Variants in OR56A3 observed in about 807,000 individuals in gnomAD.
The protein encoded by OR56A3 is olfactory receptor family 56 subfamily A member 3.
OR56A3 carries 23 observed loss-of-function variants against 17.5 expected under a neutral mutation model. The observed-to-expected ratio is 1.32, with a 90% CI of 0.95 to 1.87. OR56A3 has a LOEUF of 1.87. Ranked by LOEUF, OR56A3 falls within the 40% of genes most tolerant of loss-of-function variation. The pLI is 0.00. For missense variants in OR56A3, 366 were observed against 380.1 expected (o/e 0.96, Z 0.31); for synonymous variants, 175 against 150.6 (o/e 1.16, Z -1.19).
chr11:6,015,290 A>G, the OR56A3 span, among the ~76,000 whole-genome samples: 1 of 152,234 alleles, frequency 6.6e-6, no homozygotes, highest in East Asian at 1.9e-4. Flanking sequence ...AGCCAGGCTC[A>G]GGGCTCTGCT....
At chr11:5,997,956 G>A in the OR56A3 span, among the ~76,000 whole-genome samples, 31,841 of 152,022 alleles carry the variant, frequency 0.21, 4,232 homozygotes, top group Admixed American at 0.32. Context: ...TCACTCACTG[G>A]ACAGGTATAA....
downstream of OR56A3, among the ~76,000 whole-genome samples, chr11:5,953,449 C>A (rs1275812195): frequency 1.3e-5 from 2 of 152,136 alleles, no homozygotes; most frequent in Non-Finnish European, 2.9e-5. Context: ...TGTATGTCTT[C>A]TTTTGAAAAG....
At chr11:6,009,710 G>T in the OR56A3 span, among the ~76,000 whole-genome samples, 1 of 152,064 alleles carries the variant, frequency 6.6e-6, no homozygotes, top group Non-Finnish European at 1.5e-5. Flanking sequence ...TGGGGTTTTG[G>T]ATGTTAGTAA....
the OR56A3 span, chr11:5,985,768 G>C: frequency 1.7e-6 from 1 of 598,170 alleles, no homozygotes. Context: ...AGATATCCAG[G>C]TACATCCCAA....
chr11:5,947,507 G>A lies in OR56A3; in HGVS notation c.161G>A (p.Trp54Ter). 1.2e-6 allele frequency: 2 copies of A among 1,613,918 alleles called. No homozygotes were observed. The highest frequency in any genetic ancestry group is 2.2e-5 in the South Asian group (2 of 91,068). ...GANTTLLMTIWLEASLHQPLY... is the reference protein window; with the variant it reads ...GANTTLLMTI ...AACACCACCCTCCTGATGACCATCT[G>A]GCTGGAGGCCTCTCTGCACCAGCCC... The change falls in exon 3 of 3, where the codon TGG becomes TAG. Residue 54 changes from tryptophan to a stop codon, truncating the protein, a stop_gained. Coordinates refer to ENST00000641160, the MANE Select transcript of OR56A3 (RefSeq NM_001003443.3). LOFTEE classifies it high-confidence loss of function.
At chr11:5,943,424 A>C (rs1452458015) in intron 1 of OR56A3, 1 of 152,080 alleles carries the variant, frequency 6.6e-6, no homozygotes. Context: ...TTCCAAGCAC[A>C]AAACATTTAA....
At chr11:5,952,610 C>T (rs1359934988), downstream of OR56A3, among the ~76,000 whole-genome samples, 1 of 151,902 alleles carries the variant, frequency 6.6e-6, no homozygotes, top group Non-Finnish European at 1.5e-5. Context: ...GTAAGATATG[C>T]AAGGCCTATG....
the OR56A3 span, chr11:5,967,596 T>C: frequency 1.2e-6 from 2 of 1,612,608 alleles, no homozygotes; most frequent in African/African-American, 1.3e-5. Context: ...CTTGATCTCC[T>C]TGGTTCTCAC....
At chr11:6,013,881 C>T in the OR56A3 span, among the ~76,000 whole-genome samples, 3 of 152,192 alleles carry the variant, frequency 2.0e-5, no homozygotes, top group East Asian at 1.9e-4. Flanking sequence ...CTCCCAGCAA[C>T]CTGTGCATGC....
At chr11:5,986,900 A>T in the OR56A3 span, 3 of 1,613,136 alleles carry the variant, frequency 1.9e-6, no homozygotes, top group Non-Finnish European at 2.5e-6. Context: ...AATGGCTTGG[A>T]GAGGAAAGAG....
the OR56A3 span, among the ~76,000 whole-genome samples, chr11:6,012,050 G>A: frequency 6.6e-6 from 1 of 152,200 alleles, no homozygotes; most frequent in East Asian, 1.9e-4. Context: ...CTCCCGAAAG[G>A]GCTGTAGCTC....
chr11:5,995,371 G>A, the OR56A3 span, among the ~76,000 whole-genome samples: 9 of 152,204 alleles, frequency 5.9e-5, no homozygotes, highest in Admixed American at 2.6e-4. Flanking sequence ...CTTAACTACT[G>A]TGTTGAACAG....
At chr11:6,000,707 G>A in the OR56A3 span, 1 of 152,172 alleles carries the variant, frequency 6.6e-6, no homozygotes, top group Non-Finnish European at 1.5e-5. Context: ...AGCATCAAAT[G>A]ATTGAAGAGA....
At chr11:5,998,600 T>G in the OR56A3 span, among the ~76,000 whole-genome samples, 1 of 152,136 alleles carries the variant, frequency 6.6e-6, no homozygotes, top group Non-Finnish European at 1.5e-5. Flanking sequence ...TGACACCTGA[T>G]TTTGAGAGAA....
At chr11:5,943,133 A>T (rs1278900489) in intron 1 of OR56A3, among the ~76,000 whole-genome samples, 1 of 152,214 alleles carries the variant, frequency 6.6e-6, no homozygotes, top group Non-Finnish European at 1.5e-5. Flanking sequence ...ACTTCTAGGG[A>T]TGAGTACTTT....
the OR56A3 span, among the ~76,000 whole-genome samples, chr11:5,983,029 G>C: frequency 6.6e-6 from 1 of 151,942 alleles, no homozygotes; most frequent in South Asian, 2.1e-4. Flanking sequence ...ATTCTTGATG[G>C]TTTTGTCTCT....
chr11:5,972,699 G>A, the OR56A3 span, among the ~76,000 whole-genome samples: 1 of 152,132 alleles, frequency 6.6e-6, no homozygotes, highest in Non-Finnish European at 1.5e-5. Flanking sequence ...CGCGATTTCG[G>A]CTCACTGCAA....
At chr11:5,965,570 GA>G in the OR56A3 span, among the ~76,000 whole-genome samples, 1 of 151,842 alleles carries the variant, frequency 6.6e-6, no homozygotes, top group East Asian at 1.9e-4. Context: ...GGGAAAATAA[GA>G]AAAAAATAAG....
At chr11:5,995,912 G>A in the OR56A3 span, among the ~76,000 whole-genome samples, 1 of 152,078 alleles carries the variant, frequency 6.6e-6, no homozygotes, top group African/African-American at 2.4e-5. Context: ...ACCAGACTCT[G>A]GTAACCACCA....
Sources: gnomAD v4.1 joint callset for allele counts (sites outside exome capture counted in the v4.1 genomes callset) on GRCh38, gnomAD v4.1.1 for gene constraint, MANE v1.5 for transcripts, NCBI Gene and HGNC (gene_info 2026-07-23, HGNC 2026-07-21) for gene names.